Variants in PTK2 observed in about 807,000 individuals in gnomAD.
The protein encoded by PTK2 is focal adhesion kinase 1.
A neutral mutation model predicts 150.1 loss-of-function variants in PTK2; 45 were observed. The ratio of observed to expected loss-of-function variants is 0.30; its 90% CI spans 0.24 to 0.38. PTK2 has a LOEUF of 0.38. PTK2 is among the 10% of genes least tolerant of loss of function. PTK2 has a pLI of 1.00. For missense variants in PTK2, 919 were observed against 1,307.3 expected, an observed-to-expected ratio of 0.70 and a Z score of 4.58; for synonymous variants, 432 against 449.2, an observed-to-expected ratio of 0.96 and a Z score of 0.48.
chr8:140,896,365 T>G (rs1601369795), intron 2 of PTK2, among the ~76,000 whole-genome samples: 1 of 152,184 alleles, frequency 6.6e-6, no homozygotes, highest in Non-Finnish European at 1.5e-5. Flanking sequence ...AAAGTCTACC[T>G]TTCTTATAAA....
At chr8:140,811,405 G>A (rs2100101476) in intron 10 of PTK2, among the ~76,000 whole-genome samples, 1 of 152,096 alleles carries the variant, frequency 6.6e-6, no homozygotes, top group African/African-American at 2.4e-5. Context: ...AAACAAACAA[G>A]CAAAAATACA....
exon 19 of PTK2, chr8:140,744,699 C>G: frequency 6.2e-7 from 1 of 1,608,582 alleles, no homozygotes; most frequent in Non-Finnish European, 8.5e-7. Context: ...CTGTACTAAG[C>G]TGATAGGCAT....
chr8:140,719,556 T>A (rs1335371597), intron 22 of PTK2, among the ~76,000 whole-genome samples: 2 of 152,086 alleles, frequency 1.3e-5, no homozygotes, highest in African/African-American at 4.8e-5. Flanking sequence ...TTAAGGGAGA[T>A]CATGGCTATG....
At chr8:140,922,656 T>C (rs1025497416) in intron 2 of PTK2, among the ~76,000 whole-genome samples, 10 of 152,348 alleles carry the variant, frequency 6.6e-5, no homozygotes, top group Non-Finnish European at 1.2e-4. Context: ...GCTACCTTCA[T>C]TAGTAACCTA....
In PTK2 at chr8:140,994,009, T is replaced by C. The variant is rs566834701; in HGVS notation, c.-122+7116A>G. ...CTTCCCAAAGTGGTGGAATTACAGG[T>C]GTGAGTTACCGCACCCCACCCAAAG... On this transcript the variant is annotated intron_variant, in intron 1 of 31. Transcript: ENST00000522684. Among the ~76,000 whole-genome samples, 6 of 152,294 alleles carry C rather than the reference T, an allele frequency of 3.9e-5. No individual in the cohort carries two copies. In the South Asian group the frequency reaches 1.2e-3, roughly 32 times the overall value.
intron 7 of PTK2, among the ~76,000 whole-genome samples, chr8:140,842,605 G>A (rs1025148207): frequency 3.3e-5 from 5 of 151,996 alleles, no homozygotes; most frequent in Non-Finnish European, 7.4e-5. Context: ...TAGTCAAGGT[G>A]CGATAAGGAC....
intron 18 of PTK2, among the ~76,000 whole-genome samples, chr8:140,745,436 G>A (rs563041997): frequency 8.5e-5 from 13 of 152,270 alleles, no homozygotes; most frequent in African/African-American, 3.1e-4. Context: ...TTTTGAGCCG[G>A]AAGAATTAGC....
chr8:140,853,833 A>G (rs2100130886), intron 5 of PTK2, among the ~76,000 whole-genome samples: 1 of 152,220 alleles, frequency 6.6e-6, no homozygotes, highest in South Asian at 2.1e-4. Context: ...GGAAAAGGGC[A>G]GCTGATAATT....
intron 21 of PTK2, among the ~76,000 whole-genome samples, chr8:140,736,836 T>C (rs1424101145): frequency 2.0e-5 from 3 of 152,200 alleles, no homozygotes; most frequent in South Asian, 2.1e-4. Context: ...TCTACTTCTA[T>C]CACAAAACAA....
chr8:141,000,361 C>T (rs2100199645), intron 1 of PTK2, among the ~76,000 whole-genome samples: 1 of 152,212 alleles, frequency 6.6e-6, no homozygotes, highest in African/African-American at 2.4e-5. Flanking sequence ...ACACGGCGGG[C>T]TTGGGGCTCG....
At chr8:140,801,261 A>G (rs2100094843) in intron 11 of PTK2, among the ~76,000 whole-genome samples, 1 of 152,208 alleles carries the variant, frequency 6.6e-6, no homozygotes, top group African/African-American at 2.4e-5. Flanking sequence ...TGGTGTGCTG[A>G]TGGAAACAGA....
intron 10 of PTK2, among the ~76,000 whole-genome samples, chr8:140,810,033 C>T (rs895182664): frequency 4.6e-5 from 7 of 152,222 alleles, no homozygotes; most frequent in Non-Finnish European, 8.8e-5. Context: ...AGCTGGGAAC[C>T]CTGCAAGAGG....
intron 7 of PTK2, among the ~76,000 whole-genome samples, chr8:140,842,969 G>A (rs1234908836): frequency 2.0e-5 from 3 of 152,096 alleles, no homozygotes; most frequent in Non-Finnish European, 4.4e-5. Context: ...CCTGTTTCAA[G>A]TAATAATAAT....
chr8:140,669,746 A>G lies in PTK2; in HGVS notation c.2710-1322T>C. 2 of 1,533,616 alleles carry G rather than the reference A, an allele frequency of 1.3e-6. No individual in the cohort carries two copies. Among genetic ancestry groups the G allele is most frequent in the Non-Finnish European group, 1.7e-6 (2 of 1,144,742 alleles). ...GCTTACCCTCCATGGCTATTGTCGA[A>G]CGGAAGGTGAGGAAAAGTTAAAGGA... is the stretch of plus-strand genomic sequence containing the variant. On this transcript the variant is annotated intron_variant, in intron 29 of 31. Transcript: ENST00000522684.
intron 20 of PTK2, among the ~76,000 whole-genome samples, chr8:140,742,283 G>A (rs2100056179): frequency 6.6e-6 from 1 of 152,214 alleles, no homozygotes. Flanking sequence ...TGTGTCTACT[G>A]ATTGAAAGAC....
intron 1 of PTK2, among the ~76,000 whole-genome samples, chr8:140,948,160 A>C (rs755942079): frequency 3.3e-5 from 5 of 152,220 alleles, no homozygotes; most frequent in Non-Finnish European, 5.9e-5. Context: ...CCTTCATGAA[A>C]AAGAAACAAA....
chr8:140,819,012 T>C, exon 9 of PTK2: 3 of 1,612,308 alleles, frequency 1.9e-6, no homozygotes, highest in Non-Finnish European at 2.5e-6. Context: ...GTTTTCTTAG[T>C]GTTTTGGCCT....
At chr8:140,953,840 C>T (rs2100180317) in intron 1 of PTK2, among the ~76,000 whole-genome samples, 1 of 152,148 alleles carries the variant, frequency 6.6e-6, no homozygotes. Flanking sequence ...GGCTGGAGTA[C>T]AGTGGAACGA....
intron 16 of PTK2, 63 bp downstream of exon 19, chr8:140,761,102 A>C (rs1475987208): frequency 4.4e-6 from 5 of 1,131,798 alleles, no homozygotes; most frequent in Non-Finnish European, 6.6e-6. Context: ...AAGACAAACA[A>C]AAGCAATTTA....
Sources: gnomAD v4.1 joint callset for allele counts (sites outside exome capture counted in the v4.1 genomes callset) on GRCh38, gnomAD v4.1.1 for gene constraint, MANE v1.5 for transcripts, NCBI Gene and HGNC (gene_info 2026-07-23, HGNC 2026-07-21) for gene names.